RSRC2: variants seen among roughly 807,000 people sequenced by gnomAD.
RSRC2 encodes the protein arginine and serine rich coiled-coil 2, also known as arginine/serine-rich coiled-coil protein 2.
RSRC2 carries 5 observed loss-of-function variants against 61.3 expected under a neutral mutation model. The observed-to-expected ratio is 0.08, with a 90% CI of 0.04 to 0.17. The LOEUF is 0.17. RSRC2 is among the 10% of genes least tolerant of loss of function. The pLI, the probability that RSRC2 is intolerant of heterozygous loss-of-function variation, is 1.00. For synonymous variants in RSRC2, 202 were observed against 166.5 expected (o/e 1.21, Z -1.64); for missense variants, 381 against 518.8 (o/e 0.73, Z 2.58).
In RSRC2 at chr12:122,505,462, T is replaced by A. The variant is rs1053458365; in HGVS notation, c.*65A>T. 2 of 1,471,980 alleles carry A rather than the reference T, an allele frequency of 1.4e-6. No homozygotes were observed. The highest frequency in any genetic ancestry group is 2.8e-5 in the African/African-American group (2 of 71,268). 91.2% of individuals were successfully genotyped at this position (1,471,980 alleles called of 1,614,324 possible). ...GCAAGCTAGAGTGCTAGCTGTTTGG[T>A]GAACAAGGACGTGACATCAGAACAA... is the stretch of plus-strand genomic sequence containing the variant. On this transcript the variant is annotated 3_prime_UTR_variant, in exon 10 of 10. Transcript: ENST00000331738.
In RSRC2 at chr12:122,503,648, T is replaced by C. The variant is rs1957990598; in HGVS notation, c.*1879A>G. ...AAAGGCAGAGCTTAATTGAAAAATG[T>C]TGATGATCACGAAATGAAGGATCCA... On this transcript the variant is annotated 3_prime_UTR_variant, in exon 10 of 10. Transcript: ENST00000331738. 6.6e-6 allele frequency: 1 copy of C among 152,190 alleles called. No individual in the cohort carries two copies. 9.4% of individuals were successfully genotyped at this position (152,190 alleles called of 1,614,324 possible).
At chr12:122,525,004 A>G (rs1285130853) in intron 1 of RSRC2, among the ~76,000 whole-genome samples, 1 of 152,182 alleles carries the variant, frequency 6.6e-6, no homozygotes. Context: ...ATTGAATACT[A>G]GGTCACTTCT....
intron 8 of RSRC2, 39 bp from the exon 9 acceptor site, chr12:122,506,962 A>T (rs1448743042): frequency 8.4e-7 from 1 of 1,190,224 alleles, no homozygotes; most frequent in Non-Finnish European, 1.2e-6. Context: ...TGTAAAATTT[A>T]AATATTTTTT....
chr12:122,514,819 A>G (rs1958788832), intron 6 of RSRC2: 1 of 782,392 alleles, frequency 1.3e-6, no homozygotes, highest in African/African-American at 1.8e-5. Flanking sequence ...CTCAAAAAAA[A>G]AAAGTTTCAA....
chr12:122,505,219 G>C lies in RSRC2; in HGVS notation c.*308C>G. On this transcript the variant is annotated 3_prime_UTR_variant, in exon 10 of 10. Transcript: ENST00000331738. ...AAGTACAAAAGTACACAAGACAGCG[G>C]ACACGAAAAAATCCATGTATGAGAT... 1 of 248,352 alleles carries C rather than the reference G, an allele frequency of 4.0e-6. No homozygotes were observed. Among genetic ancestry groups the C allele is most frequent in the Non-Finnish European group, 7.7e-6 (1 of 130,326 alleles). 15.4% of individuals were successfully genotyped at this position (248,352 alleles called of 1,614,324 possible).
In RSRC2 at chr12:122,522,249, A is replaced by C. The variant is rs1279881611; in HGVS notation, c.57T>G (p.Asp19Glu). ...CTGACTGCTCTTTTTTCTTATCTCT[A>C]TCTGGTGATGTCTTTTCTGGGGCTA... ...DGLAPEKTSP[D>E]RDKKKEQSEV... Residue 19 changes from aspartate (D) to glutamate (E), a missense_variant, in exon 2 of 10, where the codon GAT becomes GAG. Around this residue, in one of 4 missense-constraint regions of RSRC2, gnomAD observed 266 missense variants for 270.5 expected, o/e 0.98. Coordinates refer to ENST00000331738, the MANE Select transcript of RSRC2 (RefSeq NM_023012.6). 6.2e-7 allele frequency: 1 copy of C among 1,613,850 alleles called. No individual in the cohort carries two copies. The highest frequency in any genetic ancestry group is 1.1e-5 in the South Asian group (1 of 91,024).
At chr12:122,522,415 G>T in intron 1 of RSRC2, 116 bp from the exon 2 acceptor site, 2 of 986,472 alleles carry the variant, frequency 2.0e-6, no homozygotes, top group Non-Finnish European at 2.9e-6. Flanking sequence ...AAATCAGAAT[G>T]CCTGCTTTCC....
intron 6 of RSRC2, chr12:122,514,827 C>G: frequency 1.4e-6 from 1 of 707,936 alleles, no homozygotes; most frequent in South Asian, 2.4e-5. Context: ...AAAAAAGTTT[C>G]AAATGCAAAC....
intron 7 of RSRC2, 71 bp from the exon 8 acceptor site, chr12:122,508,518 G>C: frequency 8.3e-7 from 1 of 1,204,946 alleles, no homozygotes. Flanking sequence ...TTACATTAAC[G>C]AACGATTTAT....
At chr12:122,514,950 GAATT>G (rs1593389829) in intron 6 of RSRC2, 151 bp downstream of exon 6, 1 of 842,430 alleles carries the variant, frequency 1.2e-6, no homozygotes, top group East Asian at 2.7e-5. Context: ...TTTAGGATGA[GAATT>G]AAACTATTTA....
chr12:122,514,569 ACAG>A (rs1238920593), intron 6 of RSRC2: 4 of 1,040,660 alleles, frequency 3.8e-6, no homozygotes, highest in Non-Finnish European at 4.6e-6. Flanking sequence ...CCCGGCCGAA[ACAG>A]CAGAAAATTA....
intron 7 of RSRC2, 46 bp downstream of exon 7, chr12:122,511,063 G>C: frequency 7.0e-7 from 1 of 1,421,756 alleles, no homozygotes; most frequent in South Asian, 1.2e-5. Flanking sequence ...AAAAAAGCTT[G>C]AAAGAGCTCA....
Position 122,505,714 on chromosome 12 carries a change from T to C in RSRC2, c.1126-8A>G, listed in dbSNP as rs1443524992. The C allele has an allele frequency of 6.2e-7, 1 of 1,609,278 alleles. No individual in the cohort carries two copies. The highest frequency in any genetic ancestry group is 8.5e-7 in the Non-Finnish European group (1 of 1,176,332). ...TCCAGCTTCATCTTCACTCTAAAAATCAGACATAAAACATTACAATGAATT... is the reference window on the plus strand; with the variant it reads ...TCCAGCTTCATCTTCACTCTAAAAACCAGACATAAAACATTACAATGAATT... On this transcript the variant is annotated splice_polypyrimidine_tract_variant and splice_region_variant and intron_variant, in intron 9 of 9. Transcript: ENST00000331738.
In RSRC2 at chr12:122,526,832, C is replaced by G. The variant is rs747221346; in HGVS notation, c.6+16G>C. 1 of 1,614,200 alleles carries G rather than the reference C, an allele frequency of 6.2e-7. No individual in the cohort carries two copies. Among genetic ancestry groups the G allele is most frequent in the Admixed American group, 1.7e-5 (1 of 60,028 alleles). ...AGAAAAATATCCCTGGCTTTAAACT[C>G]AGATTCGGTACCTACCGCCATAGTT... is the stretch of plus-strand genomic sequence containing the variant. On this transcript the variant is annotated intron_variant, in intron 1 of 9. Transcript: ENST00000331738.
At chr12:122,508,802 C>A (rs1188549204) in intron 7 of RSRC2, among the ~76,000 whole-genome samples, 1 of 151,602 alleles carries the variant, frequency 6.6e-6, no homozygotes, top group Non-Finnish European at 1.5e-5. Context: ...ACCAAAAATA[C>A]AAAATTAGCC....
At chr12:122,511,077 C>T (rs370778435) in intron 7 of RSRC2, 32 bp downstream of exon 7, 150 of 1,498,314 alleles carry the variant, frequency 1.0e-4, no homozygotes, top group Non-Finnish European at 1.3e-4. Flanking sequence ...GAGCTCAAAT[C>T]GAGATGACTA....
At position 122,515,218 on chromosome 12, in the gene RSRC2, C is replaced by T. The variant is rs745518581; in HGVS notation, c.612G>A (p.Lys204=). ...SRTRSRSRDR[K]KRIEKPRRFS... ...ATCTTCTCGGCTTTTCAATTCTCTT[C>T]TTTCTATCTCTGTAGTAAATCGTAT... The change falls in exon 6 of 10, where the codon AAG becomes AAA. Residue 204 remains lysine, a synonymous_variant. Transcript: ENST00000331738. The T allele has an allele frequency of 6.9e-5, 112 of 1,613,614 alleles. No individual in the cohort carries two copies. The Admixed American group carries it at 1.5e-3, about 21-fold the overall frequency.
chr12:122,520,548 C>A (rs755039151), intron 3 of RSRC2: 2 of 1,367,588 alleles, frequency 1.5e-6, no homozygotes, highest in Non-Finnish European at 2.0e-6. Flanking sequence ...GAGTCTGCAG[C>A]GTCTTCAGTT....
chr12:122,522,947 T>C (rs906113565), intron 1 of RSRC2: 1 of 152,192 alleles, frequency 6.6e-6, no homozygotes, highest in Non-Finnish European at 1.5e-5. Flanking sequence ...AAGCATTTTA[T>C]AAGTAATTAT....
Sources: allele counts gnomAD v4.1 joint callset (sites outside exome capture counted in the v4.1 genomes callset), GRCh38; gene constraint gnomAD v4.1.1; regional missense constraint gnomAD v4.1.1; transcripts MANE v1.5; gene names NCBI Gene and HGNC (gene_info 2026-07-23, HGNC 2026-07-21).